CDH8: variants seen among roughly 807,000 people sequenced by gnomAD.
The protein encoded by CDH8 is cadherin-8.
A neutral mutation model predicts 68.1 loss-of-function variants in CDH8; 17 were observed. The observed-to-expected ratio is 0.25, with a 90% CI of 0.17 to 0.37. The LOEUF (loss-of-function observed/expected upper bound fraction) is 0.37. Among genes scored for constraint, CDH8 ranks in the 10% least tolerant of loss-of-function variants. The pLI is 1.00. For missense variants in CDH8, 763 were observed against 999.3 expected (o/e 0.76, Z 3.19); for synonymous variants, 372 against 365.1 (o/e 1.02, Z -0.21).
intron 6 of CDH8, among the ~76,000 whole-genome samples, chr16:61,819,334 A>T (rs1962157685): frequency 6.6e-6 from 1 of 152,122 alleles, no homozygotes; most frequent in Non-Finnish European, 1.5e-5. Flanking sequence ...ACAGCAAATA[A>T]AAATAAAGTA....
chr16:61,842,271 T>G (rs1487209680), intron 4 of CDH8, among the ~76,000 whole-genome samples: 1 of 152,100 alleles, frequency 6.6e-6, no homozygotes, highest in Non-Finnish European at 1.5e-5. Flanking sequence ...GATGCCATTG[T>G]AACAGTATTA....
intron 2 of CDH8, chr16:61,940,667 CTGGG>C (rs1232568012): frequency 1.3e-5 from 2 of 152,384 alleles, no homozygotes; most frequent in African/African-American, 4.8e-5. Context: ...TCCCAAAGTT[CTGGG>C]ATTACAGGCG....
chr16:61,748,742 T>A (rs72796900), intron 8 of CDH8, among the ~76,000 whole-genome samples: 136 of 152,082 alleles, frequency 8.9e-4, no homozygotes, highest in Non-Finnish European at 1.8e-3. Flanking sequence ...CAATGACCAA[T>A]CCTGTCCTAT....
chr16:61,854,720 T>G (rs939410327), intron 4 of CDH8, among the ~76,000 whole-genome samples: 1 of 152,114 alleles, frequency 6.6e-6, no homozygotes, highest in Non-Finnish European at 1.5e-5. Flanking sequence ...TTTTTCTTGT[T>G]TTTCTAATAA....
intron 10 of CDH8, among the ~76,000 whole-genome samples, chr16:61,658,848 T>C (rs566450443): frequency 1.3e-5 from 2 of 152,296 alleles, no homozygotes; most frequent in East Asian, 3.9e-4. Flanking sequence ...ATCAGTTTTC[T>C]ATATTAAGAG....
At chr16:61,923,283 T>C (rs1752012888) in intron 2 of CDH8, among the ~76,000 whole-genome samples, 1 of 152,182 alleles carries the variant, frequency 6.6e-6, no homozygotes, top group South Asian at 2.1e-4. Flanking sequence ...ACTCCTTTCA[T>C]TCCACCGTCG....
chr16:61,822,200 C>G (rs1051159429), intron 5 of CDH8, among the ~76,000 whole-genome samples: 1 of 107,708 alleles, frequency 9.3e-6, no homozygotes, highest in East Asian at 3.1e-4. Context: ...GGCTCAAAAA[C>G]GCACCTTTTT....
chr16:61,993,282 C>A (rs1190658555), intron 2 of CDH8, among the ~76,000 whole-genome samples: 3 of 152,056 alleles, frequency 2.0e-5, no homozygotes, highest in Non-Finnish European at 2.9e-5. Context: ...GCACTCCCTC[C>A]CCTCCCTTCA....
intron 10 of CDH8, among the ~76,000 whole-genome samples, chr16:61,671,687 C>T (rs1276715954): frequency 6.6e-6 from 1 of 152,026 alleles, no homozygotes; most frequent in African/African-American, 2.4e-5. Flanking sequence ...ATTATCATTC[C>T]TCCCAGGTTG....
chr16:61,695,892 C>A (rs1431658118), intron 10 of CDH8, among the ~76,000 whole-genome samples: 3 of 152,116 alleles, frequency 2.0e-5, no homozygotes, highest in East Asian at 3.9e-4. Flanking sequence ...AAATGACCTA[C>A]TTTTCATGAA....
chr16:61,752,340 A>G (rs1252994933), intron 8 of CDH8, among the ~76,000 whole-genome samples: 1 of 152,196 alleles, frequency 6.6e-6, no homozygotes, highest in Non-Finnish European at 1.5e-5. Context: ...TTAGCAAAAA[A>G]CTTAATTTCT....
intron 2 of CDH8, among the ~76,000 whole-genome samples, chr16:61,950,762 G>C (rs934647292): frequency 6.6e-6 from 1 of 152,032 alleles, no homozygotes; most frequent in Non-Finnish European, 1.5e-5. Context: ...ATGGGACGGG[G>C]GCCATTACCC....
chr16:61,698,640 T>C (rs1964369832), intron 10 of CDH8, among the ~76,000 whole-genome samples: 1 of 152,174 alleles, frequency 6.6e-6, no homozygotes, highest in South Asian at 2.1e-4. Flanking sequence ...AAGTCCAACA[T>C]CTAATGGACC....
intron 11 of CDH8, among the ~76,000 whole-genome samples, chr16:61,654,787 C>T (rs1294577667): frequency 6.6e-6 from 1 of 152,140 alleles, no homozygotes; most frequent in Non-Finnish European, 1.5e-5. Context: ...ACAGATGGAA[C>T]AAGAAAGACA....
intron 2 of CDH8, among the ~76,000 whole-genome samples, chr16:61,966,929 G>C (rs1296746125): frequency 6.6e-6 from 1 of 152,156 alleles, no homozygotes; most frequent in Non-Finnish European, 1.5e-5. Flanking sequence ...CATGGGCCAG[G>C]CATGGTGGCT....
chr16:62,028,912 A>G (rs1289018471), intron 1 of CDH8, among the ~76,000 whole-genome samples: 34 of 152,182 alleles, frequency 2.2e-4, no homozygotes. Context: ...CTACTGAGTG[A>G]CAACATTTCG....
intron 2 of CDH8, among the ~76,000 whole-genome samples, chr16:61,947,140 T>G (rs1964815080): frequency 6.6e-6 from 1 of 152,150 alleles, no homozygotes; most frequent in South Asian, 2.1e-4. Context: ...CAAAACAACT[T>G]CACCCCATTA....
At chr16:61,862,323 C>T (rs529439360) in intron 3 of CDH8, among the ~76,000 whole-genome samples, 65 of 152,234 alleles carry the variant, frequency 4.3e-4, no homozygotes, top group African/African-American at 1.5e-3. Flanking sequence ...GGAGGCTAGA[C>T]ACCGGGCACA....
At chr16:61,838,685 C>T (rs1024819262) in intron 4 of CDH8, among the ~76,000 whole-genome samples, 1 of 152,132 alleles carries the variant, frequency 6.6e-6, no homozygotes, top group Admixed American at 6.6e-5. Context: ...CTGTGTAATG[C>T]TGAACAAAAT....
Sources: allele counts gnomAD v4.1 joint callset (sites outside exome capture counted in the v4.1 genomes callset), GRCh38; gene constraint gnomAD v4.1.1; transcripts MANE v1.5; gene names NCBI Gene and HGNC (gene_info 2026-07-23, HGNC 2026-07-21).